The following GRIK2 variants were observed in gnomAD, a reference collection of about 807,000 sequenced individuals.
GRIK2 encodes glutamate receptor ionotropic, kainate 2.
Under a neutral mutation model 100.3 loss-of-function variants are expected in GRIK2, and 32 were observed. The ratio of observed to expected loss-of-function variants is 0.32; its 90% CI spans 0.24 to 0.43. The LOEUF (loss-of-function observed/expected upper bound fraction) is 0.43. Among genes scored for constraint, GRIK2 ranks in the 20% least tolerant of loss-of-function variants. GRIK2 has a pLI of 1.00. For synonymous variants in GRIK2, 417 were observed against 389.4 expected, an observed-to-expected ratio of 1.07 and a Z score of -0.83; for missense variants, 843 against 1,114.9, an observed-to-expected ratio of 0.76 and a Z score of 3.47.
At chr6:101,686,959 C>T (rs1771745127) in intron 7 of GRIK2, among the ~76,000 whole-genome samples, 1 of 151,988 alleles carries the variant, frequency 6.6e-6, no homozygotes, top group Non-Finnish European at 1.5e-5. Flanking sequence ...CCAATGCTTA[C>T]AATAAAAATC....
chr6:102,059,639 A>G (rs142905032), intron 16 of GRIK2, among the ~76,000 whole-genome samples: 2,797 of 151,132 alleles, frequency 0.019, 85 homozygotes, highest in African/African-American at 0.064. Context: ...TGTAAGCAAG[A>G]ATTATAAGAT....
chr6:101,482,364 T>C (rs1008619209), intron 2 of GRIK2, among the ~76,000 whole-genome samples: 1 of 152,148 alleles, frequency 6.6e-6, no homozygotes, highest in South Asian at 2.1e-4. Flanking sequence ...GATACATCTT[T>C]GATAGTAGTA....
At chr6:101,932,699 T>C (rs1790368125) in intron 14 of GRIK2, among the ~76,000 whole-genome samples, 1 of 151,940 alleles carries the variant, frequency 6.6e-6, no homozygotes, top group Non-Finnish European at 1.5e-5. Context: ...AATGAATCTA[T>C]ATCATTCATT....
At chr6:101,833,253 A>G (rs528232505) in intron 10 of GRIK2, among the ~76,000 whole-genome samples, 1 of 152,126 alleles carries the variant, frequency 6.6e-6, no homozygotes, top group Non-Finnish European at 1.5e-5. Flanking sequence ...TTGTTTTGAG[A>G]CGGAGTCTTG....
At chr6:101,517,376 G>T (rs920440221) in intron 2 of GRIK2, among the ~76,000 whole-genome samples, 6 of 152,080 alleles carry the variant, frequency 3.9e-5, no homozygotes, top group Non-Finnish European at 8.8e-5. Context: ...GTTTGAAATG[G>T]GGTGCTCCTG....
intron 13 of GRIK2, 140 bp downstream of exon 13, chr6:101,924,859 CA>C (rs1469284341): frequency 8.1e-6 from 5 of 620,772 alleles, no homozygotes; most frequent in African/African-American, 1.8e-5. Context: ...CGACCTAATG[CA>C]TTTAGGCCTT....
intron 7 of GRIK2, among the ~76,000 whole-genome samples, chr6:101,798,126 A>G (rs950106647): frequency 1.3e-5 from 2 of 151,744 alleles, no homozygotes; most frequent in African/African-American, 2.4e-5. Context: ...AATTCCAGAA[A>G]GAGGAATTAC....
chr6:101,991,427 G>GT (rs772117850), intron 14 of GRIK2, among the ~76,000 whole-genome samples: 92 of 148,168 alleles, frequency 6.2e-4, no homozygotes, highest in Admixed American at 1.6e-3. Context: ...ATTTTCTTTT[G>GT]TTTTGTAAAT....
At chr6:101,852,308 T>G (rs1784180280) in intron 10 of GRIK2, among the ~76,000 whole-genome samples, 1 of 152,138 alleles carries the variant, frequency 6.6e-6, no homozygotes, top group Non-Finnish European at 1.5e-5. Flanking sequence ...ACCAACCCTG[T>G]ATTCTCAGTC....
intron 14 of GRIK2, among the ~76,000 whole-genome samples, chr6:102,022,145 C>T (rs1582739043): frequency 1.9e-5 from 1 of 53,074 alleles, no homozygotes; most frequent in African/African-American, 2.6e-4. Context: ...CACACACATA[C>T]ACACACACAC....
At chr6:101,433,949 T>A (rs1178861289) in intron 2 of GRIK2, among the ~76,000 whole-genome samples, 1 of 152,006 alleles carries the variant, frequency 6.6e-6, no homozygotes, top group East Asian at 1.9e-4. Flanking sequence ...GACTAGAGAG[T>A]TGAAGTCCGC....
intron 10 of GRIK2, among the ~76,000 whole-genome samples, chr6:101,820,357 A>G (rs1781879890): frequency 6.6e-6 from 1 of 152,122 alleles, no homozygotes; most frequent in South Asian, 2.1e-4. Context: ...TCTGGCCCCT[A>G]CACTCCTTTC....
At chr6:101,605,682 AAAAC>A (rs1469358805) in intron 2 of GRIK2, among the ~76,000 whole-genome samples, 3 of 152,006 alleles carry the variant, frequency 2.0e-5, no homozygotes, top group African/African-American at 4.8e-5. Flanking sequence ...CCGTCTCCAA[AAAAC>A]AAACAAACAA....
chr6:101,612,478 C>G (rs949265377), intron 2 of GRIK2, among the ~76,000 whole-genome samples: 1 of 151,732 alleles, frequency 6.6e-6, no homozygotes, highest in Non-Finnish European at 1.5e-5. Flanking sequence ...CTGTTAGGAA[C>G]TTTCATTCTT....
At chr6:101,720,682 T>C (rs558978758) in intron 7 of GRIK2, among the ~76,000 whole-genome samples, 2 of 151,930 alleles carry the variant, frequency 1.3e-5, no homozygotes, top group Non-Finnish European at 2.9e-5. Flanking sequence ...TATGGAAATA[T>C]CAATTTTCAA....
intron 11 of GRIK2, among the ~76,000 whole-genome samples, chr6:101,879,012 C>T (rs530103481): frequency 6.6e-6 from 1 of 152,150 alleles, no homozygotes; most frequent in East Asian, 1.9e-4. Context: ...TATTTTCTCA[C>T]TCAAGGACTC....
At chr6:101,591,391 C>T (rs1426177675) in intron 2 of GRIK2, among the ~76,000 whole-genome samples, 1 of 151,896 alleles carries the variant, frequency 6.6e-6, no homozygotes, top group East Asian at 1.9e-4. Flanking sequence ...TTATCTACTA[C>T]TCTTTATCTG....
intron 7 of GRIK2, among the ~76,000 whole-genome samples, chr6:101,745,901 G>A (rs1349207200): frequency 6.6e-6 from 1 of 152,132 alleles, no homozygotes. Context: ...ATGACTTAAA[G>A]CTTGAACTAA....
intron 2 of GRIK2, among the ~76,000 whole-genome samples, chr6:101,526,254 C>T (rs1775150780): frequency 1.3e-5 from 2 of 152,054 alleles, no homozygotes; most frequent in African/African-American, 4.8e-5. Context: ...TGTTTTTGCT[C>T]TTGTAACACA....
Sources: gnomAD v4.1 joint callset for allele counts (sites outside exome capture counted in the v4.1 genomes callset) on GRCh38, gnomAD v4.1.1 for gene constraint, MANE v1.5 for transcripts, NCBI Gene and HGNC (gene_info 2026-07-23, HGNC 2026-07-21) for gene names.